PI4KA: variants seen among roughly 807,000 people sequenced by gnomAD.
The protein encoded by PI4KA is phosphatidylinositol 4-kinase alpha, also known as PI4-kinase alpha.
Under a neutral mutation model 271.4 loss-of-function variants are expected in PI4KA, and 122 were observed. That is an observed-to-expected ratio of 0.45 (90% CI 0.39 to 0.52). The LOEUF is 0.52. Among genes scored for constraint, PI4KA ranks in the 20% least tolerant of loss-of-function variants. PI4KA has a pLI of 0.00. For missense variants in PI4KA, 1,969 were observed against 2,769.1 expected (o/e 0.71, Z 6.48); for synonymous variants, 1,041 against 1,078.8 (o/e 0.96, Z 0.69).
At position 20,729,889 on chromosome 22, in the gene PI4KA, G is replaced by T. The variant is rs772105710; in HGVS notation, c.4408+3C>A. On this transcript the variant is annotated splice_donor_region_variant and intron_variant, in intron 37 of 54. Transcript: ENST00000255882. ...TGGCCCCAGCAGCACACCTCCCACC[G>T]ACCTGATTTCTTGGAGATGGTGGAC... 2 of 1,614,078 alleles carry T rather than the reference G, an allele frequency of 1.2e-6. No individual in the cohort carries two copies. Among genetic ancestry groups the T allele is most frequent in the South Asian group, 1.1e-5 (1 of 91,052 alleles).
chr22:20,745,755 C>T (rs1929980998), intron 29 of PI4KA, among the ~76,000 whole-genome samples: 1 of 152,110 alleles, frequency 6.6e-6, no homozygotes, highest in Non-Finnish European at 1.5e-5. Flanking sequence ...TCAATGTGCT[C>T]ATCTGTAAAG....
At chr22:20,748,671 A>T (rs1475680640) in intron 28 of PI4KA, among the ~76,000 whole-genome samples, 2 of 152,212 alleles carry the variant, frequency 1.3e-5, no homozygotes, top group African/African-American at 4.8e-5. Flanking sequence ...AATGTACAGG[A>T]GTATATACAT....
intron 19 of PI4KA, among the ~76,000 whole-genome samples, chr22:20,773,455 A>G (rs1932995552): frequency 6.6e-6 from 1 of 152,194 alleles, no homozygotes; most frequent in African/African-American, 2.4e-5. Flanking sequence ...ATCCCCACGA[A>G]TGCCTAAGTG....
chr22:20,835,007 T>C (rs1924676492), intron 2 of PI4KA, among the ~76,000 whole-genome samples: 1 of 152,194 alleles, frequency 6.6e-6, no homozygotes, highest in Non-Finnish European at 1.5e-5. Flanking sequence ...GAGAATGGTT[T>C]AGAGCCCCAA....
At chr22:20,711,243 T>C in intron 51 of PI4KA, 98 bp downstream of exon 51, 1 of 723,560 alleles carries the variant, frequency 1.4e-6, no homozygotes, top group Non-Finnish European at 2.3e-6. Flanking sequence ...CCTGGCAGGG[T>C]GGTCCTGGGC....
intron 30 of PI4KA, 44 bp downstream of exon 30, chr22:20,744,584 G>A (rs779034289): frequency 1.8e-5 from 25 of 1,410,880 alleles, no homozygotes; most frequent in Non-Finnish European, 2.5e-5. Flanking sequence ...CTCAAAACAA[G>A]AGGACACGTT....
chr22:20,744,331 T>C (rs879417092), intron 30 of PI4KA, among the ~76,000 whole-genome samples: 1 of 152,176 alleles, frequency 6.6e-6, no homozygotes, highest in Non-Finnish European at 1.5e-5. Flanking sequence ...CCCAAGAGCC[T>C]ATGGCATGTA....
At chr22:20,726,803 G>A (rs1035144010) in intron 41 of PI4KA, among the ~76,000 whole-genome samples, 2 of 152,162 alleles carry the variant, frequency 1.3e-5, no homozygotes, top group African/African-American at 4.8e-5. Context: ...GGTCTGCTGT[G>A]GGTCAGACTC....
At chr22:20,764,226 T>A (rs556192459) in intron 22 of PI4KA, among the ~76,000 whole-genome samples, 2 of 152,262 alleles carry the variant, frequency 1.3e-5, no homozygotes, top group East Asian at 3.9e-4. Flanking sequence ...CACAAGCATG[T>A]CGGGGAGTGC....
rs368818594 is a variant in PI4KA, at chr22:20,739,074, A to G, written c.3741+3154T>C. Among the ~76,000 whole-genome samples the G allele has an allele frequency of 3.1e-4, 45 of 144,904 alleles. No homozygotes were observed. In the East Asian group the frequency reaches 8.0e-3, roughly 26 times the overall value. ...AAAAAAAAAGCAACTGGCTGGGCGC[A>G]GTGGCTCACGCCTAAAATCCCAACA... is the stretch of plus-strand genomic sequence containing the variant. On this transcript the variant is annotated intron_variant, in intron 32 of 54. Coordinates refer to ENST00000255882, the MANE Select transcript of PI4KA (RefSeq NM_058004.4).
intron 32 of PI4KA, among the ~76,000 whole-genome samples, chr22:20,740,059 C>T (rs1224075861): frequency 5.8e-5 from 4 of 68,480 alleles, no homozygotes; most frequent in African/African-American, 1.4e-4. Flanking sequence ...GAGACCCCAT[C>T]TCAAAAAAAA....
chr22:20,723,390 T>C (rs1006618561), intron 42 of PI4KA, among the ~76,000 whole-genome samples: 1 of 152,086 alleles, frequency 6.6e-6, no homozygotes, highest in Non-Finnish European at 1.5e-5. Context: ...GTGATATAAA[T>C]TTTTTTAAAC....
At chr22:20,722,789 G>A (rs1437422356) in intron 42 of PI4KA, among the ~76,000 whole-genome samples, 3 of 152,114 alleles carry the variant, frequency 2.0e-5, no homozygotes, top group African/African-American at 7.2e-5. Flanking sequence ...TGGGTGAGTC[G>A]GGGGTGGTCT....
intron 10 of PI4KA, among the ~76,000 whole-genome samples, chr22:20,805,754 C>A (rs1935615059): frequency 6.6e-6 from 1 of 151,042 alleles, no homozygotes; most frequent in South Asian, 2.1e-4. Flanking sequence ...ATGGCGTCAA[C>A]CCGGGAGGCG....
intron 3 of PI4KA, among the ~76,000 whole-genome samples, chr22:20,833,664 T>TG (rs1339811350): frequency 6.8e-6 from 1 of 146,578 alleles, no homozygotes; most frequent in Non-Finnish European, 1.5e-5. Context: ...TTTGTTTTTT[T>TG]TTTTTTTTTT....
intron 54 of PI4KA, among the ~76,000 whole-genome samples, chr22:20,708,329 G>T (rs1924776199): frequency 6.6e-6 from 1 of 152,118 alleles, no homozygotes; most frequent in Admixed American, 6.5e-5. Context: ...ATCCGTGGGA[G>T]CCACTGCTCT....
In PI4KA at chr22:20,819,802, G is replaced by A. The variant is rs765517306; in HGVS notation, c.628C>T (p.Pro210Ser). The change falls in exon 6 of 55, where the codon CCC becomes TCC. Residue 210 changes from proline to serine, a missense_variant. Physicochemically the swap from Pro to Ser is moderately conservative, Grantham distance 74. Around this residue, in one of 13 missense-constraint regions of PI4KA, gnomAD observed 540 missense variants for 555.5 expected, o/e 0.97. Coordinates refer to ENST00000255882, the MANE Select transcript of PI4KA (RefSeq NM_058004.4). ...MEESLLSKLF[P>S]KIPPHSLRVL... ...CGGAGGGAATGAGGAGGGATTTTGG[G>A]AAAGAGCTTTGAGAGGAGAGACTCT... 6.2e-7 allele frequency: 1 copy of A among 1,614,172 alleles called. No individual in the cohort carries two copies. The highest frequency in any genetic ancestry group is 1.7e-5 in the Admixed American group (1 of 60,026).
chr22:20,819,853 C>T lies in PI4KA; in HGVS notation c.577G>A (p.Ala193Thr). Residue 193 changes from alanine to threonine, a missense_variant, in exon 6 of 55, where the codon GCA becomes ACA. This residue lies in a region of PI4KA where 540 missense variants were observed against 555.5 expected (regional missense o/e 0.97). Coordinates refer to ENST00000255882, the MANE Select transcript of PI4KA (RefSeq NM_058004.4). ...TCCATGTTGCTGTAACGCCCAAATG[C>T]TCGCGAGATTCCTATCAGGCATGGG... Reference protein sequence around the residue: ...AIPCLIGISRAFGRYSNMEES... With the variant: ...AIPCLIGISRTFGRYSNMEES... 4 of 1,613,968 alleles carry T rather than the reference C, an allele frequency of 2.5e-6. No homozygotes were observed. Among genetic ancestry groups the T allele is most frequent in the Middle Eastern group, 1.7e-4 (1 of 6,060 alleles).
intron 32 of PI4KA, chr22:20,734,776 C>T (rs1928511026): frequency 2.8e-6 from 2 of 720,714 alleles, no homozygotes; most frequent in South Asian, 3.9e-5. Flanking sequence ...GCCTTCTGTT[C>T]AACCCGGTTC....
Sources: gnomAD v4.1 joint callset for allele counts (sites outside exome capture counted in the v4.1 genomes callset) on GRCh38, gnomAD v4.1.1 for gene constraint, gnomAD v4.1.1 regional missense constraint, MANE v1.5 for transcripts, NCBI Gene and HGNC (gene_info 2026-07-23, HGNC 2026-07-21) for gene names.